Variants in USP54 observed in about 807,000 individuals in gnomAD.
The protein encoded by USP54 is ubiquitin carboxyl-terminal hydrolase 54.
Under a neutral mutation model 170.5 loss-of-function variants are expected in USP54, and 87 were observed. That is an observed-to-expected ratio of 0.51 (90% confidence interval 0.43 to 0.61). The LOEUF (loss-of-function observed/expected upper bound fraction) is 0.61, where lower values mean the gene tolerates loss of function less well. USP54 is among the 20% of genes least tolerant of loss of function. The probability of loss-of-function intolerance (pLI) is 0.00; values close to 1 mark genes in which losing one functional copy is unlikely to be tolerated. For synonymous variants in USP54, 655 were observed against 742.8 expected, an observed-to-expected ratio of 0.88 and a Z score of 1.92; for missense variants, 1,786 against 2,047.8, an observed-to-expected ratio of 0.87 and a Z score of 2.47.
rs1356156104 is a variant in USP54 at position 73,571,642 on chromosome 10, T to C, written c.148-129A>G. 7 of 632,632 alleles carry C rather than the reference T, an allele frequency of 1.1e-5. No individual in the cohort carries two copies. In the East Asian group the frequency reaches 1.7e-4, roughly 16 times the overall value. The allele number at this position is 632,632 out of a possible 1,614,324, so 39.2% of individuals were successfully genotyped here. A position where few individuals can be genotyped will look rare whatever the true frequency, so the allele number is the denominator to read the frequency against. ...TTATTCCCAAAAGAAAACTTCATTC[T>C]AGTATATTAAAACAAATGTGAAAAA... On this transcript the variant is annotated intron_variant, in intron 3 of 23. Transcript: ENST00000687698.
intron 1 of USP54, among the ~76,000 whole-genome samples, chr10:73,622,208 T>A (rs555324095): frequency 6.6e-6 from 1 of 152,308 alleles, no homozygotes; most frequent in South Asian, 2.1e-4. Context: ...AGCAGAGTGT[T>A]GTTATAAGAT....
At position 73,531,519 on chromosome 10, in the gene USP54, A is replaced by G. The variant is rs117328050; in HGVS notation, c.1316-684T>C. Among the ~76,000 whole-genome samples the G allele has an allele frequency of 4.5e-3, 687 of 152,338 alleles. 4 individuals carry two copies. The highest frequency in any genetic ancestry group is 7.5e-3 in the Non-Finnish European group (509 of 68,020). ...AAATTGAAGACAGAGTTTTCCTTTT[A>G]TTTATTTAGCAACACATATCAAATA... On this transcript the variant is annotated intron_variant, in intron 12 of 23. Coordinates refer to ENST00000687698, the MANE Select transcript of USP54 (RefSeq NM_001391956.1).
chr10:73,537,833 A>T (rs918513336), intron 10 of USP54: 2 of 152,134 alleles, frequency 1.3e-5, no homozygotes, highest in Non-Finnish European at 2.9e-5. Flanking sequence ...GCATGCCAAA[A>T]AGGGCTGTGG....
intron 11 of USP54, 176 bp downstream of exon 11, chr10:73,536,093 G>T: frequency 1.3e-6 from 1 of 796,736 alleles, no homozygotes. Context: ...ACAACTGAAG[G>T]AAATAAAGGC....
intron 15 of USP54, chr10:73,529,266 C>G (rs1287249971): frequency 9.3e-6 from 2 of 214,202 alleles, no homozygotes; most frequent in East Asian, 2.6e-4. Flanking sequence ...CATGAACACA[C>G]AGAGGGGAAC....
chr10:73,500,759 G>T lies in USP54; in HGVS notation c.4391C>A (p.Pro1464His), dbSNP rs1414374352. The T allele has an allele frequency of 1.9e-6, 3 of 1,601,994 alleles. No individual in the cohort carries two copies. The highest frequency in any genetic ancestry group is 2.6e-6 in the Non-Finnish European group (3 of 1,175,610). Residue 1464 changes from proline to histidine, a missense_variant, in exon 23 of 24, where the codon CCT becomes CAT. Around this residue, in one of 3 missense-constraint regions of USP54, gnomAD observed 1,418 missense variants for 1,569.0 expected, o/e 0.90. Coordinates refer to ENST00000687698, the MANE Select transcript of USP54 (RefSeq NM_001391956.1). ...SSSSLPVIHDPSVFLLGPQLY... is the reference protein window; with the variant it reads ...SSSSLPVIHDHSVFLLGPQLY... ...TTGGGGACCGAGGAGAAACACAGAA[G>T]GGTCATGGATGACAGGGAGGGAAGA...
intron 1 of USP54, chr10:73,624,388 C>CGCG (rs796554616): frequency 1.1e-5 from 1 of 87,680 alleles, no homozygotes; most frequent in Non-Finnish European, 2.3e-5. Flanking sequence ...TTAGTAGAGA[C>CGCG]GGGGGGGGGG....
chr10:73,543,996 A>C (rs1668635825), intron 5 of USP54, among the ~76,000 whole-genome samples: 1 of 150,548 alleles, frequency 6.6e-6, no homozygotes, highest in Admixed American at 6.6e-5. Context: ...AGGCAGGAGT[A>C]CAGTAGAGCG....
chr10:73,540,749 T>A (rs926119074), intron 9 of USP54, among the ~76,000 whole-genome samples: 17 of 152,100 alleles, frequency 1.1e-4, no homozygotes, highest in African/African-American at 4.1e-4. Context: ...TAGGCACTGG[T>A]GAAAAATGGA....
chr10:73,604,118 G>A (rs2079425324), intron 1 of USP54, among the ~76,000 whole-genome samples: 1 of 151,916 alleles, frequency 6.6e-6, no homozygotes. Context: ...GTGTGGTGGT[G>A]CACACCTGTA....
intron 20 of USP54, among the ~76,000 whole-genome samples, chr10:73,516,147 TAGA>T (rs2061040593): frequency 6.6e-6 from 1 of 152,168 alleles, no homozygotes; most frequent in Non-Finnish European, 1.5e-5. Context: ...TCTCTTACTT[TAGA>T]AGGAGGGAAG....
intron 4 of USP54, among the ~76,000 whole-genome samples, chr10:73,570,298 T>C (rs1486302140): frequency 6.6e-6 from 1 of 152,048 alleles, no homozygotes; most frequent in Non-Finnish European, 1.5e-5. Flanking sequence ...GCAACATACC[T>C]AAAATCTCTA....
At chr10:73,570,471 A>G (rs564245796) in intron 4 of USP54, among the ~76,000 whole-genome samples, 77 of 151,740 alleles carry the variant, frequency 5.1e-4, no homozygotes, top group Middle Eastern at 3.5e-3. Flanking sequence ...AACTGGTATA[A>G]AAGAATCTTT....
intron 4 of USP54, among the ~76,000 whole-genome samples, chr10:73,554,223 G>GA (rs1374504891): frequency 6.6e-6 from 1 of 152,124 alleles, no homozygotes; most frequent in African/African-American, 2.4e-5. Context: ...AAGGTCTTTG[G>GA]AAAGTGCTCC....
rs560428295 is a variant in USP54, at chr10:73,539,687, T to A, written c.826-94A>T. ...CTCCACCAGCATTTCTTAAGTAAGG[T>A]ACTGACTTGCTTCTCTTCCCTTCAG... On this transcript the variant is annotated intron_variant, in intron 9 of 23. Transcript: ENST00000687698. 19 of 1,338,916 alleles carry A rather than the reference T, an allele frequency of 1.4e-5. No individual in the cohort carries two copies. The South Asian group carries it at 2.7e-4, about 19-fold the overall frequency. The allele number at this position is 1,338,916 out of a possible 1,614,324, so 82.9% of individuals were successfully genotyped here.
chr10:73,556,526 A>ACAAATACAGGGTTTCACCT (rs2071098583), intron 4 of USP54, among the ~76,000 whole-genome samples: 2 of 151,790 alleles, frequency 1.3e-5, no homozygotes, highest in African/African-American at 4.8e-5. Context: ...TTGTATTTTT[A>ACAAATACAGGGTTTCACCT]GTAGAGACAG....
At chr10:73,546,963 A>C (rs1242952726) in intron 4 of USP54, among the ~76,000 whole-genome samples, 1 of 152,146 alleles carries the variant, frequency 6.6e-6, no homozygotes, top group African/African-American at 2.4e-5. Context: ...TTTAGTCTTT[A>C]ATTTCGTCTT....
At chr10:73,610,722 AAT>A in intron 1 of USP54, among the ~76,000 whole-genome samples, 1 of 152,302 alleles carries the variant, frequency 6.6e-6, no homozygotes, top group South Asian at 2.1e-4. Flanking sequence ...CACAGGTCAC[AAT>A]AAAACAAAAA....
At chr10:73,614,572 AAAAAAAAAAAGG>A (rs1424957319) in intron 1 of USP54, among the ~76,000 whole-genome samples, 3 of 149,264 alleles carry the variant, frequency 2.0e-5, no homozygotes, top group Non-Finnish European at 4.4e-5. Flanking sequence ...AAAAAAAAAA[AAAAAAAAAAAGG>A]AAACACAGGC....
Sources: gnomAD v4.1 joint callset for allele counts (sites outside exome capture counted in the v4.1 genomes callset) on GRCh38, gnomAD v4.1.1 for gene constraint, gnomAD v4.1.1 regional missense constraint, MANE v1.5 for transcripts, NCBI Gene and HGNC (gene_info 2026-07-23, HGNC 2026-07-21) for gene names.